NPAS1: variants seen among roughly 807,000 people sequenced by gnomAD.
NPAS1 encodes the protein neuronal PAS domain-containing protein 1.
In NPAS1, 29 loss-of-function variants were observed where a neutral mutation model predicts 49.2. That is an observed-to-expected ratio of 0.59 (90% confidence interval 0.44 to 0.80). NPAS1 has a LOEUF of 0.80. NPAS1 is among the 30% of genes least tolerant of loss of function. The pLI is 0.00. For synonymous variants in NPAS1, 408 were observed against 380.4 expected (o/e 1.07, Z -0.84); for missense variants, 825 against 835.5 (o/e 0.99, Z 0.15).
intron 5 of NPAS1, among the ~76,000 whole-genome samples, chr19:47,033,975 TAAAAAAAAAAAAAAAAAAAAAAA>T (rs532811476): frequency 3.2e-4 from 32 of 100,850 alleles, no homozygotes; most frequent in African/African-American, 9.4e-4. Context: ...GGCTATGCCT[TAAAAAAAAAAAAAAAAAAAAAAA>T]AAAAAAAAAA....
chr19:47,033,530 C>T (rs745682823), intron 5 of NPAS1, among the ~76,000 whole-genome samples: 1 of 152,110 alleles, frequency 6.6e-6, no homozygotes, highest in Non-Finnish European at 1.5e-5. Context: ...CGTGAGCCAC[C>T]GCGCCCAGCC....
chr19:47,029,396 T>TTTTTTA (rs71332967), intron 3 of NPAS1, among the ~76,000 whole-genome samples: 3 of 147,446 alleles, frequency 2.0e-5, no homozygotes, highest in African/African-American at 7.5e-5. Context: ...AGTATTTTTA[T>TTTTTTA]TTATTATTAT....
intron 9 of NPAS1, 199 bp from the exon 10 acceptor site, chr19:47,040,779 C>A: frequency 1.6e-6 from 1 of 609,572 alleles, no homozygotes; most frequent in Non-Finnish European, 2.8e-6. Context: ...CCAAAACACC[C>A]AAGAGGCCTC....
In NPAS1 at chr19:47,039,532, C is replaced by T. The variant is rs775619044; in HGVS notation, c.930C>T (p.Ser310=). 3.8e-6 allele frequency: 6 copies of T among 1,598,582 alleles called. No individual in the cohort carries two copies. The South Asian group carries it at 5.6e-5, about 15-fold the overall frequency. The change falls in exon 8 of 12, where the codon AGC becomes AGT. Residue 310 remains serine, a synonymous_variant. Transcript: ENST00000602212. ...LHGHMIVFRL[S]LGLTILACES... ...GACACATGATCGTCTTCCGTCTCAG[C>T]CTGGGTCTCACCATCCTTGCTTGTG... is the stretch of plus-strand genomic sequence containing the variant.
chr19:47,035,990 C>G lies in NPAS1; in HGVS notation c.549C>G (p.Phe183Leu), dbSNP rs1341465787. The change falls in exon 6 of 12, where the codon TTC (phenylalanine) becomes TTG (leucine). Residue 183 changes from phenylalanine to leucine, a missense_variant. Physicochemically the swap from Phe to Leu is conservative, Grantham distance 22. Transcript: ENST00000602212. ...SQVEMTGSSVFDYIHPGDHSE... is the reference protein window; with the variant it reads ...SQVEMTGSSVLDYIHPGDHSE... ...TGGAGATGACGGGCAGCAGCGTCTT[C>G]GACTACATTCACCCTGGGGACCACT... 6.5e-7 allele frequency: 1 copy of G among 1,544,194 alleles called. No individual in the cohort carries two copies. Among genetic ancestry groups the G allele is most frequent in the South Asian group, 1.2e-5 (1 of 80,064 alleles).
chr19:47,038,145 G>A (rs2056977760), intron 6 of NPAS1, among the ~76,000 whole-genome samples: 1 of 152,224 alleles, frequency 6.6e-6, no homozygotes, highest in African/African-American at 2.4e-5. Context: ...GTCCTGAGAG[G>A]TGGGCTTTCC....
At chr19:47,036,294 T>C (rs910910728) in intron 6 of NPAS1, among the ~76,000 whole-genome samples, 165 bp downstream of exon 6, 2 of 152,216 alleles carry the variant, frequency 1.3e-5, no homozygotes, top group African/African-American at 4.8e-5. Context: ...CGGTGAGACT[T>C]GGTTCCTTAA....
chr19:47,043,589 A>C (rs961087215), intron 11 of NPAS1, among the ~76,000 whole-genome samples: 1 of 149,032 alleles, frequency 6.7e-6, no homozygotes, highest in Non-Finnish European at 1.5e-5. Context: ...GATTTAAAAC[A>C]AAACAAACAA....
chr19:47,027,194 G>C (rs1168005523), intron 3 of NPAS1, among the ~76,000 whole-genome samples: 1 of 152,198 alleles, frequency 6.6e-6, no homozygotes, highest in Admixed American at 6.5e-5. Flanking sequence ...GACTTCCCTG[G>C]GTGATGAAGC....
At chr19:47,038,345 C>T (rs1294017144) in intron 6 of NPAS1, among the ~76,000 whole-genome samples, 2 of 151,302 alleles carry the variant, frequency 1.3e-5, no homozygotes, top group Non-Finnish European at 3.0e-5. Context: ...GGCGATACCC[C>T]GTCTCTACTA....
intron 3 of NPAS1, among the ~76,000 whole-genome samples, chr19:47,031,935 G>T (rs1259323297): frequency 6.6e-6 from 1 of 152,174 alleles, no homozygotes; most frequent in African/African-American, 2.4e-5. Flanking sequence ...GGAGGCAGGG[G>T]TTGCTGGGCT....
intron 5 of NPAS1, 128 bp downstream of exon 5, chr19:47,032,860 A>C: frequency 1.4e-6 from 1 of 693,772 alleles, no homozygotes. Context: ...TGTGGTCCCC[A>C]AAGTGTGTTC....
At chr19:47,037,417 C>CAT in intron 6 of NPAS1, among the ~76,000 whole-genome samples, 1 of 150,938 alleles carries the variant, frequency 6.6e-6, no homozygotes, top group African/African-American at 2.4e-5. Flanking sequence ...GTGTTATCTC[C>CAT]ATTTTACATC....
intron 3 of NPAS1, among the ~76,000 whole-genome samples, chr19:47,025,928 GT>G (rs550006810): frequency 1.3e-5 from 2 of 149,572 alleles, no homozygotes; most frequent in Admixed American, 6.7e-5. Context: ...AGGAAGTAAC[GT>G]TTTTTTGTTT....
At chr19:47,033,846 G>A (rs181349782) in intron 5 of NPAS1, among the ~76,000 whole-genome samples, 64 of 149,650 alleles carry the variant, frequency 4.3e-4, no homozygotes, top group African/African-American at 1.3e-3. Context: ...AGGCATGGTG[G>A]CACACTGTTG....
chr19:47,021,937 A>G lies in NPAS1; in HGVS notation c.358+90A>G, dbSNP rs1434867524. ...CCGGGCTGCGGGCCTGCCCTCGCCC[A>G]GATGCTTGTCTCTGGAGTCAGCCAG... On this transcript the variant is annotated intron_variant, in intron 3 of 11. Coordinates refer to ENST00000602212, the MANE Select transcript of NPAS1 (RefSeq NM_002517.4). The surrounding 1 kb of genome is among the most constrained non-coding windows in gnomAD (Gnocchi z 5.7). The G allele has an allele frequency of 4.0e-5, 33 of 831,288 alleles. No homozygotes were observed. In the East Asian group the frequency reaches 1.1e-3, roughly 27 times the overall value. 51.5% of individuals were successfully genotyped at this position (831,288 alleles called of 1,614,324 possible).
Position 47,027,623 on chromosome 19 carries a change from TCTCTGCCCCTGGTCTCCCG to T in NPAS1, c.359-4654_359-4636del. On this transcript the variant is annotated intron_variant, in intron 3 of 11. Transcript: ENST00000602212. ...GTCTCTCTGCCCCTGGTCTCCCGTC[TCTCTGCCCCTGGTCTCCCG>T]TCTGTCTGCCCCTGGTCTCCCTTCT... Among the ~76,000 whole-genome samples the T allele has an allele frequency of 3.0e-5, 2 of 67,262 alleles. 1 individual carries two copies. Among genetic ancestry groups the T allele is most frequent in the Non-Finnish European group, 6.7e-5 (2 of 29,952 alleles). The allele number at this position is 67,262 out of a possible 152,430, so 44.1% of individuals were successfully genotyped here.
At chr19:47,020,519 C>A (rs569829565) in intron 1 of NPAS1, among the ~76,000 whole-genome samples, 4 of 151,844 alleles carry the variant, frequency 2.6e-5, no homozygotes, top group African/African-American at 9.7e-5. Flanking sequence ...CCCTCTGCCC[C>A]CTGCCTCCTT....
At chr19:47,029,242 C>T (rs1317774271) in intron 3 of NPAS1, among the ~76,000 whole-genome samples, 2 of 151,620 alleles carry the variant, frequency 1.3e-5, no homozygotes, top group Admixed American at 6.6e-5. Context: ...CCACCACGCC[C>T]GGCTAGTTTT....
Sources: gnomAD v4.1 joint callset for allele counts (sites outside exome capture counted in the v4.1 genomes callset) on GRCh38, gnomAD v4.1.1 for gene constraint, Gnocchi (gnomAD v3.1) non-coding constraint, MANE v1.5 for transcripts, NCBI Gene and HGNC (gene_info 2026-07-23, HGNC 2026-07-21) for gene names.